ZNF831: variants seen among roughly 807,000 people sequenced by gnomAD.
ZNF831 encodes chromosome 20 open reading frame 174.
A neutral mutation model predicts 95.8 loss-of-function variants in ZNF831; 59 were observed. The observed-to-expected ratio is 0.62, with a 90% CI of 0.50 to 0.77. The LOEUF (loss-of-function observed/expected upper bound fraction) is 0.77. ZNF831 is among the 30% of genes least tolerant of loss of function. The pLI is 0.00. For missense variants in ZNF831, 2,205 were observed against 2,164.0 expected, an observed-to-expected ratio of 1.02 and a Z score of -0.38; for synonymous variants, 961 against 925.5, an observed-to-expected ratio of 1.04 and a Z score of -0.70.
intron 2 of ZNF831, chr20:59,146,736 A>G (rs1009819668): frequency 3.3e-5 from 5 of 152,156 alleles, no homozygotes; most frequent in African/African-American, 7.2e-5. Context: ...TTGGGGCCCT[A>G]TGAAATGGTC....
chr20:59,169,694 G>A lies in ZNF831; in HGVS notation c.-37+5487G>A, dbSNP rs1477670785. On this transcript the variant is annotated intron_variant, in intron 1 of 5. Transcript: ENST00000371030. The surrounding 1 kb of genome is among the most constrained non-coding windows in gnomAD (Gnocchi z 4.1). ...GCAGGAGGATCAGTTGAGGTCAGGA[G>A]TTTGAGACCAGCCTGGCCAACATGA... Among the ~76,000 whole-genome samples, 1 of 152,168 alleles carries A rather than the reference G, an allele frequency of 6.6e-6. No individual in the cohort carries two copies. Among genetic ancestry groups the A allele is most frequent in the African/African-American group, 2.4e-5 (1 of 41,438 alleles).
intron 4 of ZNF831, among the ~76,000 whole-genome samples, chr20:59,242,177 C>A (rs1011569285): frequency 2.6e-5 from 4 of 152,246 alleles, no homozygotes; most frequent in African/African-American, 9.6e-5. Flanking sequence ...ATTTTTCCCC[C>A]CTCAGGATTA....
At chr20:59,125,792 C>A (rs903382188) in intron 1 of ZNF831, among the ~76,000 whole-genome samples, 1 of 152,106 alleles carries the variant, frequency 6.6e-6, no homozygotes, top group Non-Finnish European at 1.5e-5. Flanking sequence ...GGTACCACAT[C>A]GATTTTAATC....
intron 4 of ZNF831, among the ~76,000 whole-genome samples, chr20:59,233,063 CAG>C (rs1240258669): frequency 8.4e-5 from 12 of 142,142 alleles, no homozygotes; most frequent in South Asian, 4.4e-4. Context: ...GAGAGACAGA[CAG>C]AGACAGAGAC....
At chr20:59,143,819 A>C (rs1483197428) in intron 1 of ZNF831, among the ~76,000 whole-genome samples, 5 of 152,182 alleles carry the variant, frequency 3.3e-5, no homozygotes, top group Non-Finnish European at 7.3e-5. Context: ...GGATTTCTTT[A>C]AAAGAAAATC....
At chr20:59,188,905 G>C (rs1236892065) in intron 1 of ZNF831, among the ~76,000 whole-genome samples, 1 of 152,156 alleles carries the variant, frequency 6.6e-6, no homozygotes, top group Non-Finnish European at 1.5e-5. Flanking sequence ...TTGCAGCCGG[G>C]TGTGGTGGCT....
At chr20:59,170,587 T>C (rs1164497356) in intron 1 of ZNF831, among the ~76,000 whole-genome samples, 1 of 152,196 alleles carries the variant, frequency 6.6e-6, no homozygotes, top group Non-Finnish European at 1.5e-5. Flanking sequence ...CTGGGTCCAA[T>C]CAGGAAGTAG....
intron 2 of ZNF831, among the ~76,000 whole-genome samples, chr20:59,157,559 C>T (rs768832828): frequency 4.6e-5 from 7 of 152,028 alleles, no homozygotes; most frequent in Non-Finnish European, 8.8e-5. Context: ...CATAGGCCAC[C>T]AAAAGGAAGA....
chr20:59,182,934 G>C (rs934811599), intron 1 of ZNF831, among the ~76,000 whole-genome samples: 1 of 152,172 alleles, frequency 6.6e-6, no homozygotes, highest in South Asian at 2.1e-4. Context: ...TCTGACAAAA[G>C]TTAGGGCTGC....
At chr20:59,132,743 C>T (rs1055300391) in intron 1 of ZNF831, among the ~76,000 whole-genome samples, 6 of 152,194 alleles carry the variant, frequency 3.9e-5, no homozygotes, top group African/African-American at 1.4e-4. Context: ...CCTCAGCAAA[C>T]TTTCAACTTC....
chr20:59,123,548 G>A (rs1472008392), intron 1 of ZNF831: 1 of 152,816 alleles, frequency 6.5e-6, no homozygotes, highest in Non-Finnish European at 1.5e-5. Context: ...CCACCCCGTA[G>A]GAAAGAGGAG....
chr20:59,161,329 G>A (rs556646714), upstream of ZNF831, among the ~76,000 whole-genome samples: 1 of 151,916 alleles, frequency 6.6e-6, no homozygotes, highest in South Asian at 2.1e-4. Flanking sequence ...CCGGGCTGGA[G>A]TGCAGTGGCA....
At chr20:59,135,709 T>A (rs965727896) in intron 1 of ZNF831, among the ~76,000 whole-genome samples, 1 of 151,998 alleles carries the variant, frequency 6.6e-6, no homozygotes. Context: ...CCAGCCTGGG[T>A]GACAGAGCGA....
At chr20:59,203,839 C>G (rs1984698283) in intron 3 of ZNF831, among the ~76,000 whole-genome samples, 1 of 152,098 alleles carries the variant, frequency 6.6e-6, no homozygotes, top group Non-Finnish European at 1.5e-5. Context: ...TGGAAAAACG[C>G]AGAAAATTCA....
At chr20:59,195,412 T>C (rs1407523354) in intron 2 of ZNF831, among the ~76,000 whole-genome samples, 1 of 152,192 alleles carries the variant, frequency 6.6e-6, no homozygotes, top group East Asian at 1.9e-4. Flanking sequence ...TCAGCAGTCA[T>C]TTAACCTTTG....
chr20:59,253,974 A>C lies in ZNF831; in HGVS notation c.4265A>C (p.Gln1422Pro). The C allele has an allele frequency of 6.2e-7, 1 of 1,611,898 alleles. No homozygotes were observed. Among genetic ancestry groups the C allele is most frequent in the Non-Finnish European group, 8.5e-7 (1 of 1,179,746 alleles). Residue 1422 changes from glutamine to proline, a missense_variant, in exon 6 of 6, where the codon CAA (glutamine) becomes CCA (proline). Physicochemically the swap from Gln to Pro is moderately conservative, Grantham distance 76. Transcript: ENST00000371030. ...STAATSGLSL[Q>P]SDTCLAVVND... Reference sequence around the variant, plus strand: ...GCTGCCACATCAGGATTATCTCTGCAATCTGACACCTGCCTGGCAGTGGTT... The same window carrying C: ...GCTGCCACATCAGGATTATCTCTGCCATCTGACACCTGCCTGGCAGTGGTT...
At chr20:59,228,681 TA>T (rs35525120) in intron 4 of ZNF831, among the ~76,000 whole-genome samples, 10 of 152,156 alleles carry the variant, frequency 6.6e-5, no homozygotes, top group Admixed American at 3.9e-4. Flanking sequence ...AAGGGCTCTT[TA>T]AAAAGTGATA....
chr20:59,161,737 C>G (rs1319792329), upstream of ZNF831, among the ~76,000 whole-genome samples: 2 of 152,164 alleles, frequency 1.3e-5, no homozygotes, highest in East Asian at 3.8e-4. Context: ...GTGCAGGTGT[C>G]TTTTTGGTAG....
rs752403024 is a variant in ZNF831 at position 59,191,364 on chromosome 20, G to A, written c.345G>A (p.Val115=). Residue 115 remains valine, a synonymous_variant, in exon 2 of 6, where the codon GTG becomes GTA. Coordinates refer to ENST00000371030, the MANE Select transcript of ZNF831 (RefSeq NM_178457.3). ...VGKPAAPTLT[V]NIVGTLPVLS... Reference sequence around the variant, plus strand: ...AGCCGGCGGCCCCTACGCTGACGGTGAACATCGTGGGCACTCTGCCTGTCC... The same window carrying A: ...AGCCGGCGGCCCCTACGCTGACGGTAAACATCGTGGGCACTCTGCCTGTCC... 5 of 1,608,312 alleles carry A rather than the reference G, an allele frequency of 3.1e-6. No homozygotes were observed. Among genetic ancestry groups the A allele is most frequent in the Admixed American group, 3.4e-5 (2 of 59,694 alleles).
Sources: allele counts gnomAD v4.1 joint callset (sites outside exome capture counted in the v4.1 genomes callset), GRCh38; gene constraint gnomAD v4.1.1; non-coding constraint Gnocchi (gnomAD v3.1); transcripts MANE v1.5; gene names NCBI Gene and HGNC (gene_info 2026-07-23, HGNC 2026-07-21).